The following MBD5 variants were observed in gnomAD, a reference collection of about 807,000 sequenced individuals.
The protein encoded by MBD5 is methyl-CpG binding domain protein 5.
MBD5 carries 13 observed loss-of-function variants against 117.3 expected under a neutral mutation model. The observed-to-expected ratio is 0.11, with a 90% confidence interval of 0.07 to 0.18. MBD5 has a LOEUF of 0.18. MBD5 is among the 10% of genes least tolerant of loss of function. The probability of loss-of-function intolerance (pLI) is 1.00; values close to 1 mark genes in which losing one functional copy is unlikely to be tolerated. For synonymous variants in MBD5, 727 were observed against 766.4 expected (o/e 0.95, Z 0.85); for missense variants, 1,879 against 2,093.8 (o/e 0.90, Z 2.00).
chr2:148,503,469 T>A (rs546923602), intron 12 of MBD5, among the ~76,000 whole-genome samples: 1 of 152,320 alleles, frequency 6.6e-6, no homozygotes, highest in South Asian at 2.1e-4. Context: ...TATAATGATA[T>A]CAGTAATATC....
intron 3 of MBD5, among the ~76,000 whole-genome samples, chr2:148,293,406 T>G (rs1179519902): frequency 1.3e-5 from 2 of 152,166 alleles, no homozygotes; most frequent in African/African-American, 4.8e-5. Context: ...GGTTTATATC[T>G]CAAAGGATAA....
chr2:148,217,328 A>G (rs1266467174), intron 2 of MBD5, among the ~76,000 whole-genome samples: 1 of 152,146 alleles, frequency 6.6e-6, no homozygotes, highest in African/African-American at 2.4e-5. Context: ...GATGGTAGCA[A>G]GAACACAGGC....
intron 11 of MBD5, among the ~76,000 whole-genome samples, chr2:148,498,264 G>A (rs1396889739): frequency 2.0e-5 from 3 of 152,204 alleles, no homozygotes; most frequent in Non-Finnish European, 4.4e-5. Flanking sequence ...ACAGAGAGGT[G>A]TTATCAAGAT....
chr2:148,021,069 A>G (rs1693684585), upstream of MBD5: 1 of 152,456 alleles, frequency 6.6e-6, no homozygotes, highest in South Asian at 1.8e-4. Flanking sequence ...CGTCTCTTCT[A>G]CCCGAACCCC....
rs35692977 is a variant in MBD5, at chr2:148,489,610, C to T, written c.3978C>T (p.Val1326=). Residue 1326 remains valine (V), a synonymous_variant, in exon 11 of 14, where the codon GTC becomes GTT. Transcript: ENST00000642680. ...TAGATGCCATTTACAAAGCAGTTGT[C>T]GATGCAGCCAGCAAAGGAATGCAGG... ...ASVDAIYKAV[V]DAASKGMQVV... is the part of the protein sequence containing the mutation. 1,987 of 1,614,004 alleles carry T rather than the reference C, an allele frequency of 1.2e-3. 1 individual carries two copies. The highest frequency in any genetic ancestry group is 1.5e-3 in the Non-Finnish European group (1,806 of 1,180,042).
chr2:148,256,245 T>A (rs1483435917), intron 3 of MBD5, among the ~76,000 whole-genome samples: 1 of 152,228 alleles, frequency 6.6e-6, no homozygotes, highest in East Asian at 1.9e-4. Context: ...CCAATGCGTA[T>A]TGACCTGTTG....
At chr2:148,487,780 T>A (rs1416716483) in intron 10 of MBD5, among the ~76,000 whole-genome samples, 1 of 152,178 alleles carries the variant, frequency 6.6e-6, no homozygotes, top group East Asian at 1.9e-4. Context: ...GATAGGCTAA[T>A]TTGTTTCACT....
chr2:148,100,961 A>G (rs1195555634), intron 1 of MBD5, among the ~76,000 whole-genome samples: 1 of 152,164 alleles, frequency 6.6e-6, no homozygotes, highest in Non-Finnish European at 1.5e-5. Flanking sequence ...TACAACTTGC[A>G]CACTCCTCAT....
At chr2:148,260,595 C>G (rs1700709262) in intron 3 of MBD5, 1 of 212,400 alleles carries the variant, frequency 4.7e-6, no homozygotes, top group African/African-American at 2.3e-5. Context: ...ACACGTGAAC[C>G]AGGCATGGGC....
chr2:148,175,830 T>C (rs1285302985), intron 1 of MBD5, among the ~76,000 whole-genome samples: 1 of 152,204 alleles, frequency 6.6e-6, no homozygotes, highest in Non-Finnish European at 1.5e-5. Flanking sequence ...CATAAGCACT[T>C]CTTAGGATTG....
At chr2:148,510,275 T>A (rs1440463533) in intron 13 of MBD5, 140 bp downstream of exon 13, 3 of 651,552 alleles carry the variant, frequency 4.6e-6, no homozygotes, top group Non-Finnish European at 8.2e-6. Flanking sequence ...AAGACAAATA[T>A]TAGAAAAGAT....
chr2:148,049,849 G>C (rs1694645299), intron 1 of MBD5, among the ~76,000 whole-genome samples: 1 of 152,054 alleles, frequency 6.6e-6, no homozygotes, highest in Non-Finnish European at 1.5e-5. Context: ...TCTTTCACTT[G>C]AATAAGGTTT....
intron 3 of MBD5, among the ~76,000 whole-genome samples, chr2:148,280,288 C>T (rs769920955): frequency 6.6e-6 from 1 of 152,112 alleles, no homozygotes; most frequent in Non-Finnish European, 1.5e-5. Context: ...TGCTGCCTTT[C>T]TTTACAGGTT....
At chr2:148,068,021 C>G (rs1695250956) in intron 1 of MBD5, among the ~76,000 whole-genome samples, 1 of 152,206 alleles carries the variant, frequency 6.6e-6, no homozygotes, top group Non-Finnish European at 1.5e-5. Context: ...GAAGCCATAT[C>G]TTTGGGTCTC....
At chr2:148,361,866 G>T (rs535925645) in intron 4 of MBD5, among the ~76,000 whole-genome samples, 68 of 152,260 alleles carry the variant, frequency 4.5e-4, no homozygotes, top group African/African-American at 1.3e-3. Flanking sequence ...CAGCCCTCCC[G>T]ACTGGGGAAG....
At chr2:148,302,734 A>G (rs572609919) in intron 3 of MBD5, among the ~76,000 whole-genome samples, 1 of 151,842 alleles carries the variant, frequency 6.6e-6, no homozygotes. Context: ...TCCTGGTTTC[A>G]AGTGATCCAC....
intron 4 of MBD5, among the ~76,000 whole-genome samples, chr2:148,423,595 C>T (rs1705678514): frequency 1.3e-5 from 2 of 152,126 alleles, no homozygotes; most frequent in African/African-American, 4.8e-5. Flanking sequence ...ACTGCAAAAA[C>T]ATACCAAATT....
At chr2:148,386,718 CAAAAAAAAAAA>C (rs60766324) in intron 4 of MBD5, among the ~76,000 whole-genome samples, 87 of 104,228 alleles carry the variant, frequency 8.3e-4, no homozygotes, top group East Asian at 7.5e-4. Flanking sequence ...GACTCCGTCT[CAAAAAAAAAAA>C]AAAAAAAAAA....
At chr2:148,349,871 G>T (rs1703211192) in intron 4 of MBD5, among the ~76,000 whole-genome samples, 1 of 151,844 alleles carries the variant, frequency 6.6e-6, no homozygotes, top group African/African-American at 2.4e-5. Context: ...TAGTGATTTT[G>T]GGGTTACAAT....
Sources: allele counts gnomAD v4.1 joint callset (sites outside exome capture counted in the v4.1 genomes callset), GRCh38; gene constraint gnomAD v4.1.1; transcripts MANE v1.5; gene names NCBI Gene and HGNC (gene_info 2026-07-23, HGNC 2026-07-21).